ERP44: variants seen among roughly 807,000 people sequenced by gnomAD.
The protein encoded by ERP44 is endoplasmic reticulum resident protein 44.
A neutral mutation model predicts 53.4 loss-of-function variants in ERP44; 25 were observed. The ratio of observed to expected loss-of-function variants is 0.47; its 90% confidence interval spans 0.34 to 0.65. ERP44 has a LOEUF of 0.65. Ranked by LOEUF, ERP44 falls within the 30% of genes least tolerant of loss-of-function variation. The pLI is 0.01. For synonymous variants in ERP44, 145 were observed against 161.2 expected, an observed-to-expected ratio of 0.90 and a Z score of 0.76; for missense variants, 338 against 493.2, an observed-to-expected ratio of 0.69 and a Z score of 2.98.
At chr9:100,011,328 T>C in intron 8 of ERP44, among the ~76,000 whole-genome samples, 1 of 152,300 alleles carries the variant, frequency 6.6e-6, no homozygotes, top group Middle Eastern at 3.4e-3. Flanking sequence ...TACCTTAAAA[T>C]GCTATTAATG....
In ERP44 at chr9:100,034,282, G is replaced by A. The variant is rs763358265; in HGVS notation, c.287-12056C>T. On this transcript the variant is annotated intron_variant, in intron 4 of 11. Transcript: ENST00000262455. ...TCATTATGATAATTATTAATATAAT[G>A]CATTATCATGCTAAAAAACAAAACA... Among the ~76,000 whole-genome samples the A allele has an allele frequency of 5.3e-5, 8 of 152,170 alleles. No individual in the cohort carries two copies. In the South Asian group the frequency reaches 8.3e-4, roughly 16 times the overall value.
intron 2 of ERP44, 43 bp from the exon 3 acceptor site, chr9:100,057,902 T>G (rs770631677): frequency 7.0e-7 from 1 of 1,431,048 alleles, no homozygotes; most frequent in Non-Finnish European, 9.8e-7. Context: ...TTGTAATAAT[T>G]TTGACATAAT....
intron 3 of ERP44, among the ~76,000 whole-genome samples, chr9:100,055,371 G>C (rs1476519496): frequency 6.6e-6 from 1 of 151,746 alleles, no homozygotes. Context: ...TGTTTTTTTT[G>C]TTTGTTTTTG....
intron 8 of ERP44, among the ~76,000 whole-genome samples, chr9:100,015,121 G>A (rs1037906662): frequency 2.6e-5 from 4 of 152,148 alleles, no homozygotes; most frequent in Non-Finnish European, 5.9e-5. Context: ...TCACATTGGG[G>A]ATTAGGATTT....
chr9:100,083,438 T>C (rs1226501205), intron 1 of ERP44, among the ~76,000 whole-genome samples: 1 of 151,516 alleles, frequency 6.6e-6, no homozygotes, highest in Non-Finnish European at 1.5e-5. Flanking sequence ...GATAGGGGGG[T>C]TGATATCAGC....
intron 4 of ERP44, among the ~76,000 whole-genome samples, chr9:100,043,263 A>AG (rs1825930161): frequency 9.0e-6 from 1 of 110,900 alleles, no homozygotes; most frequent in Non-Finnish European, 1.9e-5. Context: ...TGTCTCAAAA[A>AG]AAAAAAAAAA....
In ERP44 at chr9:100,073,031, C is replaced by T. The variant is rs370381556; in HGVS notation, c.58-12859G>A. Among the ~76,000 whole-genome samples, 162 of 152,282 alleles carry T rather than the reference C, an allele frequency of 1.1e-3. 4 individuals carry two copies. In the South Asian group the frequency reaches 0.03, roughly 28 times the overall value. The stretch of plus-strand genomic sequence containing the variant: ...TTCAAAATTGCCCACTGAATATATG[C>T]TGCCTTTGGGCTTTAATGAAGCAGT... On this transcript the variant is annotated intron_variant, in intron 1 of 11. Coordinates refer to ENST00000262455, the MANE Select transcript of ERP44 (RefSeq NM_015051.3).
chr9:100,093,328 A>G (rs1261832565), intron 1 of ERP44, among the ~76,000 whole-genome samples: 1 of 152,184 alleles, frequency 6.6e-6, no homozygotes, highest in Non-Finnish European at 1.5e-5. Flanking sequence ...TCACAGAATC[A>G]ACTAAGGATA....
chr9:99,997,507 C>G (rs757848593), intron 10 of ERP44, among the ~76,000 whole-genome samples: 1 of 152,124 alleles, frequency 6.6e-6, no homozygotes, highest in Non-Finnish European at 1.5e-5. Context: ...GTAGAATGCA[C>G]AGTTTCAGAA....
At chr9:100,074,507 T>C (rs1826336186) in intron 1 of ERP44, among the ~76,000 whole-genome samples, 1 of 152,166 alleles carries the variant, frequency 6.6e-6, no homozygotes, top group Non-Finnish European at 1.5e-5. Flanking sequence ...ATTTGAATTA[T>C]AAACCGAGAA....
At chr9:100,019,519 G>C (rs1373326687) in intron 6 of ERP44, among the ~76,000 whole-genome samples, 1 of 152,154 alleles carries the variant, frequency 6.6e-6, no homozygotes, top group Non-Finnish European at 1.5e-5. Context: ...ATTCAAGATA[G>C]CTACTACAGT....
At chr9:100,014,533 C>A (rs1208944600) in intron 8 of ERP44, among the ~76,000 whole-genome samples, 1 of 152,220 alleles carries the variant, frequency 6.6e-6, no homozygotes, top group Non-Finnish European at 1.5e-5. Flanking sequence ...AGGTGACCCA[C>A]CCACCTTGGC....
chr9:99,992,123 T>C (rs561039554), intron 10 of ERP44, among the ~76,000 whole-genome samples: 1 of 152,176 alleles, frequency 6.6e-6, no homozygotes, highest in African/African-American at 2.4e-5. Context: ...TCTGAAACTA[T>C]TCCAATCAAT....
At chr9:100,026,708 G>A (rs990651329) in intron 4 of ERP44, among the ~76,000 whole-genome samples, 15 of 152,124 alleles carry the variant, frequency 9.9e-5, no homozygotes, top group Admixed American at 9.8e-4. Context: ...TTTCATTTAG[G>A]TCCAATATTC....
intron 10 of ERP44, among the ~76,000 whole-genome samples, chr9:99,991,763 T>A (rs1037862258): frequency 6.6e-6 from 1 of 152,090 alleles, no homozygotes; most frequent in Middle Eastern, 3.4e-3. Flanking sequence ...ATTGATAGAC[T>A]GCTAGCAAGA....
intron 8 of ERP44, among the ~76,000 whole-genome samples, chr9:100,008,462 C>T (rs1363119886): frequency 6.6e-6 from 1 of 151,902 alleles, no homozygotes; most frequent in Non-Finnish European, 1.5e-5. Flanking sequence ...ATTTATTCTC[C>T]CCAACAAATG....
At chr9:100,006,414 A>C (rs1321124990) in intron 10 of ERP44, 92 bp downstream of exon 10, 2 of 971,662 alleles carry the variant, frequency 2.1e-6, no homozygotes, top group Non-Finnish European at 3.1e-6. Flanking sequence ...TACTGTTCCA[A>C]CATAGGATTA....
chr9:100,029,135 G>C (rs1413106965), intron 4 of ERP44, among the ~76,000 whole-genome samples: 1 of 152,058 alleles, frequency 6.6e-6, no homozygotes, highest in East Asian at 1.9e-4. Context: ...AGATTTTTAT[G>C]GATACTGCTT....
intron 4 of ERP44, among the ~76,000 whole-genome samples, chr9:100,038,205 A>C (rs1825863560): frequency 6.6e-6 from 1 of 152,170 alleles, no homozygotes; most frequent in South Asian, 2.1e-4. Flanking sequence ...AGACAAACAG[A>C]AAATATTATA....
Sources: gnomAD v4.1 joint callset for allele counts (sites outside exome capture counted in the v4.1 genomes callset) on GRCh38, gnomAD v4.1.1 for gene constraint, MANE v1.5 for transcripts, NCBI Gene and HGNC (gene_info 2026-07-23, HGNC 2026-07-21) for gene names.